Variants in FBN1 observed in about 807,000 individuals in gnomAD.
FBN1 encodes fibrillin 1.
Under a neutral mutation model 365.1 loss-of-function variants are expected in FBN1, and 29 were observed. That is an observed-to-expected ratio of 0.08 (90% CI 0.06 to 0.11). The LOEUF (loss-of-function observed/expected upper bound fraction) is 0.11. FBN1 is among the 10% of genes least tolerant of loss of function. FBN1 has a pLI of 1.00. For synonymous variants in FBN1, 1,210 were observed against 1,270.5 expected (o/e 0.95, Z 1.01); for missense variants, 2,476 against 3,703.2 (o/e 0.67, Z 8.60).
At chr15:48,632,543 T>C (rs1202881625) in intron 2 of FBN1, among the ~76,000 whole-genome samples, 1 of 152,208 alleles carries the variant, frequency 6.6e-6, no homozygotes, top group Non-Finnish European at 1.5e-5. Context: ...GGTTTCCTCC[T>C]AGAAGGTGGT....
intron 43 of FBN1, among the ~76,000 whole-genome samples, chr15:48,457,060 G>A (rs954663571): frequency 6.6e-6 from 1 of 152,296 alleles, no homozygotes; most frequent in Non-Finnish European, 1.5e-5. Flanking sequence ...GGATGCACCA[G>A]ATGAGTAGAA....
In FBN1 at chr15:48,631,465, T is replaced by C. The variant is rs187546049; in HGVS notation, c.164+13141A>G. Among the ~76,000 whole-genome samples the C allele has an allele frequency of 2.5e-3, 377 of 152,290 alleles. 1 individual carries two copies. The highest frequency in any genetic ancestry group is 8.7e-3 in the African/African-American group (362 of 41,580). On this transcript the variant is annotated intron_variant, in intron 2 of 65. Coordinates refer to ENST00000316623, the MANE Select transcript of FBN1 (RefSeq NM_000138.5). ...TATGGAAAAGGGAGCTTTCTCCCTG[T>C]GAGTGCAGATGTGTTGTGTTTGCCC...
chr15:48,524,487 C>G (rs898354441), intron 9 of FBN1, among the ~76,000 whole-genome samples: 1 of 152,084 alleles, frequency 6.6e-6, no homozygotes, highest in African/African-American at 2.4e-5. Context: ...TGTTGCTTAC[C>G]ATGGAGGGAA....
chr15:48,508,732 A>G (rs755320906), intron 14 of FBN1, 28 bp from the exon 15 acceptor site: 2 of 1,612,588 alleles, frequency 1.2e-6, no homozygotes, highest in East Asian at 2.2e-5. Flanking sequence ...ACATTTTCTT[A>G]TGACCAGAAG....
chr15:48,436,929 A>G (rs1465395697), intron 53 of FBN1, 32 bp downstream of exon 53: 7 of 1,322,464 alleles, frequency 5.3e-6, no homozygotes, highest in Non-Finnish European at 7.7e-6. Context: ...TTTAATTTGT[A>G]AAGTTCCTAT....
rs976427727 is a variant in FBN1 at position 48,488,252 on chromosome 15, A to C, written c.3209-11T>G. 2 of 1,614,224 alleles carry C rather than the reference A, an allele frequency of 1.2e-6. No individual in the cohort carries two copies. Among genetic ancestry groups the C allele is most frequent in the Non-Finnish European group, 1.7e-6 (2 of 1,180,036 alleles). ...GGCATTCGTCAATGTCTGCACAAAA[A>C]CAGCAAGTGGCAGCAAATGAGTCTC... On this transcript the variant is annotated splice_polypyrimidine_tract_variant and intron_variant, in intron 26 of 65. Coordinates refer to ENST00000316623, the MANE Select transcript of FBN1 (RefSeq NM_000138.5).
At chr15:48,446,224 G>A (rs566533650) in intron 47 of FBN1, among the ~76,000 whole-genome samples, 104 of 152,152 alleles carry the variant, frequency 6.8e-4, no homozygotes, top group African/African-American at 2.4e-3. Flanking sequence ...CTTTCTGGGG[G>A]TTCAGTTATC....
At chr15:48,421,871 T>C in intron 61 of FBN1, 81 bp downstream of exon 61, 2 of 1,294,836 alleles carry the variant, frequency 1.5e-6, no homozygotes, top group East Asian at 2.3e-5. Flanking sequence ...TATTTTCTTA[T>C]CCCAACAGCA....
At chr15:48,610,677 G>T in intron 4 of FBN1, 51 bp downstream of exon 4, 1 of 1,351,366 alleles carries the variant, frequency 7.4e-7, no homozygotes, top group Non-Finnish European at 1.0e-6. Context: ...AGGAGAAAAT[G>T]GGGTATAACC....
chr15:48,564,517 T>G (rs1427099787), intron 6 of FBN1, among the ~76,000 whole-genome samples: 2 of 152,112 alleles, frequency 1.3e-5, no homozygotes, highest in African/African-American at 4.8e-5. Flanking sequence ...CTTTTTTTTT[T>G]TGTCTAGGTA....
chr15:48,452,845 GC>G (rs1398703819), intron 44 of FBN1, among the ~76,000 whole-genome samples, 161 bp from the exon 45 acceptor site: 2 of 152,198 alleles, frequency 1.3e-5, no homozygotes, highest in Non-Finnish European at 2.9e-5. Flanking sequence ...GAATTTGGAA[GC>G]AACCAAGATG....
chr15:48,598,496 A>G (rs2044532950), intron 5 of FBN1, among the ~76,000 whole-genome samples: 1 of 152,064 alleles, frequency 6.6e-6, no homozygotes, highest in South Asian at 2.1e-4. Flanking sequence ...AGGCATCAAA[A>G]CCTGGCCCAT....
intron 15 of FBN1, among the ~76,000 whole-genome samples, chr15:48,508,074 C>T (rs1371551491): frequency 6.6e-6 from 1 of 152,066 alleles, no homozygotes; most frequent in Non-Finnish European, 1.5e-5. Flanking sequence ...GCTTATGTAA[C>T]TTGATAAAGC....
chr15:48,551,751 ATAAG>A (rs2044144078), intron 6 of FBN1, among the ~76,000 whole-genome samples: 1 of 152,120 alleles, frequency 6.6e-6, no homozygotes, highest in Admixed American at 6.6e-5. Flanking sequence ...GTTCCCACTT[ATAAG>A]TAAGAATATG....
chr15:48,518,639 A>G (rs1473572583), intron 10 of FBN1, among the ~76,000 whole-genome samples: 1 of 152,224 alleles, frequency 6.6e-6, no homozygotes, highest in East Asian at 1.9e-4. Context: ...CAGATTTAGT[A>G]ATCTTCTCAT....
Position 48,474,373 on chromosome 15 carries a change from C to T in FBN1, c.4092G>A (p.Leu1364=). 6.2e-7 allele frequency: 1 copy of T among 1,614,050 alleles called. No homozygotes were observed. Among genetic ancestry groups the T allele is most frequent in the Non-Finnish European group, 8.5e-7 (1 of 1,180,008 alleles). The change falls in exon 34 of 66, where the codon CTG becomes CTA. Residue 1364 remains leucine, a synonymous_variant. Coordinates refer to ENST00000316623, the MANE Select transcript of FBN1 (RefSeq NM_000138.5). ...WIGDGIKCTD[L]DECSNGTHMC... is the part of the protein sequence containing the mutation. ...TATGGGTTCCATTGGAACATTCGTC[C>T]AGATCTTATAGAAAAAGGTTATATC...
At chr15:48,503,229 G>A (rs190373700) in intron 17 of FBN1, among the ~76,000 whole-genome samples, 203 of 151,014 alleles carry the variant, frequency 1.3e-3, no homozygotes, top group Non-Finnish European at 2.4e-3. Context: ...CCCGGGAGGC[G>A]GAGGTGGCAG....
At chr15:48,628,175 G>A (rs1027338295) in intron 2 of FBN1, among the ~76,000 whole-genome samples, 5 of 152,008 alleles carry the variant, frequency 3.3e-5, no homozygotes, top group African/African-American at 4.8e-5. Context: ...ACAAACAGTC[G>A]GGGAGGTGCT....
intron 2 of FBN1, among the ~76,000 whole-genome samples, chr15:48,636,371 C>G (rs549466607): frequency 6.6e-6 from 1 of 152,250 alleles, no homozygotes; most frequent in African/African-American, 2.4e-5. Flanking sequence ...GTCCATGTGA[C>G]CCCAGCCAGC....
Sources: gnomAD v4.1 joint callset for allele counts (sites outside exome capture counted in the v4.1 genomes callset) on GRCh38, gnomAD v4.1.1 for gene constraint, MANE v1.5 for transcripts, NCBI Gene and HGNC (gene_info 2026-07-23, HGNC 2026-07-21) for gene names.